Variants in SMG1 observed in about 807,000 individuals in gnomAD.
SMG1 encodes serine/threonine-protein kinase SMG1.
A neutral mutation model predicts 419.9 loss-of-function variants in SMG1; 22 were observed. The ratio of observed to expected loss-of-function variants is 0.05; its 90% confidence interval spans 0.04 to 0.07. The LOEUF is 0.07. SMG1 is among the 10% of genes least tolerant of loss of function. The probability of loss-of-function intolerance (pLI) is 1.00; values close to 1 mark genes in which losing one functional copy is unlikely to be tolerated. For missense variants in SMG1, 3,185 were observed against 4,342.0 expected, an observed-to-expected ratio of 0.73 and a Z score of 7.49; for synonymous variants, 1,538 against 1,553.5, an observed-to-expected ratio of 0.99 and a Z score of 0.23.
At chr16:18,923,633 T>A (rs2038281440) in intron 1 of SMG1, among the ~76,000 whole-genome samples, 2 of 145,744 alleles carry the variant, frequency 1.4e-5, no homozygotes, top group Admixed American at 6.9e-5. Context: ...AGACTCCATC[T>A]CAGGAAGGAA....
intron 60 of SMG1, among the ~76,000 whole-genome samples, chr16:18,813,696 G>T (rs1293626890): frequency 6.6e-6 from 1 of 152,048 alleles, no homozygotes; most frequent in Non-Finnish European, 1.5e-5. Flanking sequence ...TTTGGCTTTT[G>T]TTGCCATTGC....
chr16:18,891,576 G>A (rs951972134), intron 4 of SMG1, among the ~76,000 whole-genome samples: 17 of 152,040 alleles, frequency 1.1e-4, no homozygotes, highest in African/African-American at 2.4e-4. Flanking sequence ...CTGGAATTAC[G>A]GGCATGTGCC....
At chr16:18,827,715 A>C (rs1439317267) in intron 55 of SMG1, among the ~76,000 whole-genome samples, 2 of 143,638 alleles carry the variant, frequency 1.4e-5, no homozygotes, top group South Asian at 4.2e-4. Context: ...TTATATATAT[A>C]TTTGGTATAA....
rs528904550 is a variant in SMG1 at position 18,805,692 on chromosome 16, A to C, written c.*3877T>G. 6.6e-6 allele frequency: 1 copy of C among 152,360 alleles called. No homozygotes were observed. The highest frequency in any genetic ancestry group is 2.1e-4 in the South Asian group (1 of 4,830). 9.4% of individuals were successfully genotyped at this position (152,360 alleles called of 1,614,324 possible). On this transcript the variant is annotated 3_prime_UTR_variant, in exon 63 of 63. Coordinates refer to ENST00000446231, the MANE Select transcript of SMG1 (RefSeq NM_015092.5). ...TCTTTCTAATATTACCCAAATATTG[A>C]AAACAAAATCTACCTTCTTTAACCC... is the stretch of plus-strand genomic sequence containing the variant.
rs751762685 is a variant in SMG1, at chr16:18,896,601, GA to G, written c.256+191del. The stretch of plus-strand genomic sequence containing the variant: ...AAACTGCATTTATGAATTATGTATG[GA>G]AAAAATTTTAAATTTTAAAAATAAT... On this transcript the variant is annotated intron_variant, in intron 2 of 62. Coordinates refer to ENST00000446231, the MANE Select transcript of SMG1 (RefSeq NM_015092.5). Among the ~76,000 whole-genome samples the G allele has an allele frequency of 6.6e-5, 10 of 152,176 alleles. No homozygotes were observed. In the East Asian group the frequency reaches 1.2e-3, roughly 18 times the overall value.
chr16:18,818,692 C>A (rs1241951004), intron 56 of SMG1, among the ~76,000 whole-genome samples: 1 of 152,118 alleles, frequency 6.6e-6, no homozygotes, highest in East Asian at 1.9e-4. Flanking sequence ...TAAGCACTGG[C>A]GACAGGTATG....
intron 13 of SMG1, among the ~76,000 whole-genome samples, chr16:18,873,707 G>A (rs1279401351): frequency 5.3e-5 from 8 of 152,164 alleles, no homozygotes; most frequent in Non-Finnish European, 1.2e-4. Flanking sequence ...TGCCTTTTGC[G>A]GAAGTAGACT....
intron 1 of SMG1, among the ~76,000 whole-genome samples, chr16:18,902,457 C>T (rs1366438598): frequency 2.0e-5 from 3 of 152,276 alleles, no homozygotes; most frequent in East Asian, 1.9e-4. Context: ...AACCCCAGCA[C>T]TTTGGGAGGC....
Position 18,866,835 on chromosome 16 carries a change from A to C in SMG1, c.3196-60T>G. 4 of 1,438,718 alleles carry C rather than the reference A, an allele frequency of 2.8e-6. No individual in the cohort carries two copies. In the South Asian group the frequency reaches 3.5e-5, roughly 12 times the overall value. The allele number at this position is 1,438,718 out of a possible 1,614,324, so 89.1% of individuals were successfully genotyped here. A position where few individuals can be genotyped will look rare whatever the true frequency, so the allele number is the denominator to read the frequency against. ...ACCATTAAAACATAAATCCCTATAA[A>C]ATTTACAACTGATCAGTCTGTGCCT... On this transcript the variant is annotated intron_variant, in intron 22 of 62. Transcript: ENST00000446231.
At chr16:18,841,118 G>A (rs1567348864) in intron 41 of SMG1, among the ~76,000 whole-genome samples, 1 of 152,030 alleles carries the variant, frequency 6.6e-6, no homozygotes, top group African/African-American at 2.4e-5. Context: ...GGTACCTCAA[G>A]GCCAGATGCG....
rs2031898976 is a variant in SMG1 at position 18,815,290 on chromosome 16, CA to C, written c.10515-10del. Reference sequence around the variant, plus strand: ...CTAAATTATTATAGATACTGAAATACAAAATAAAATGGCTTATTTACGAAAT... The same window carrying C: ...CTAAATTATTATAGATACTGAAATACAAATAAAATGGCTTATTTACGAAAT... On this transcript the variant is annotated splice_polypyrimidine_tract_variant and intron_variant, in intron 59 of 62. Transcript: ENST00000446231. The C allele has an allele frequency of 6.4e-7, 1 of 1,559,320 alleles. No individual in the cohort carries two copies. Among genetic ancestry groups the C allele is most frequent in the East Asian group, 2.4e-5 (1 of 42,316 alleles).
intron 1 of SMG1, among the ~76,000 whole-genome samples, chr16:18,910,224 G>C (rs1470658643): frequency 6.8e-6 from 1 of 147,562 alleles, no homozygotes; most frequent in African/African-American, 2.5e-5. Context: ...ACGCCACCAT[G>C]CCCAGCTATT....
chr16:18,866,005 A>G lies in SMG1; in HGVS notation c.3350+616T>C, dbSNP rs574888399. The stretch of plus-strand genomic sequence containing the variant: ...TTTTAATATTGAGTGGGAAAAACAG[A>G]TCATAAAACCATGTGCCTATGTACG... On this transcript the variant is annotated intron_variant, in intron 23 of 62. Coordinates refer to ENST00000446231, the MANE Select transcript of SMG1 (RefSeq NM_015092.5). 3.3e-5 allele frequency: 5 copies of G among 152,652 alleles called. No homozygotes were observed. The East Asian group carries it at 9.7e-4, about 29-fold the overall frequency. The allele number at this position is 152,652 out of a possible 1,614,324, so 9.5% of individuals were successfully genotyped here.
At position 18,902,137 on chromosome 16, in the gene SMG1, T is replaced by C. The variant is rs2037372306; in HGVS notation, c.93-5181A>G. ...AACCATGGAACCCCAGTAAAAACTT[T>C]GGACATAAAAAACAGAGTGAGCTTC... is the stretch of plus-strand genomic sequence containing the variant. On this transcript the variant is annotated intron_variant, in intron 1 of 62. Coordinates refer to ENST00000446231, the MANE Select transcript of SMG1 (RefSeq NM_015092.5). Among the ~76,000 whole-genome samples, 11 of 152,226 alleles carry C rather than the reference T, an allele frequency of 7.2e-5. No individual in the cohort carries two copies. In the South Asian group the frequency reaches 2.3e-3, roughly 32 times the overall value.
intron 39 of SMG1, 23 bp downstream of exon 39, chr16:18,845,406 G>A: frequency 6.3e-7 from 1 of 1,592,560 alleles, no homozygotes; most frequent in South Asian, 1.1e-5. Context: ...CATTTCAGTA[G>A]CATGCTTGGG....
intron 53 of SMG1, 44 bp from the exon 54 acceptor site, chr16:18,829,799 G>A (rs1244226399): frequency 6.5e-7 from 1 of 1,527,832 alleles, no homozygotes. Context: ...AAAAAATCAG[G>A]TAATATGCTG....
At chr16:18,898,488 T>G (rs1222767334) in intron 1 of SMG1, among the ~76,000 whole-genome samples, 1 of 152,178 alleles carries the variant, frequency 6.6e-6, no homozygotes, top group Non-Finnish European at 1.5e-5. Flanking sequence ...GGACCATAAC[T>G]TTTTTAAACT....
At chr16:18,857,270 A>C (rs2034964837) in intron 29 of SMG1, 5 of 152,260 alleles carry the variant, frequency 3.3e-5, no homozygotes. Flanking sequence ...CATTCTGGCA[A>C]CTTTTCTATT....
intron 58 of SMG1, chr16:18,815,861 T>G (rs2031951849): frequency 3.6e-6 from 2 of 555,796 alleles, no homozygotes. Context: ...ATTTACTGTT[T>G]GTAATGATGA....
Sources: gnomAD v4.1 joint callset for allele counts (sites outside exome capture counted in the v4.1 genomes callset) on GRCh38, gnomAD v4.1.1 for gene constraint, MANE v1.5 for transcripts, NCBI Gene and HGNC (gene_info 2026-07-23, HGNC 2026-07-21) for gene names.